FOXP2: variants seen among roughly 807,000 people sequenced by gnomAD.
FOXP2 encodes the protein forkhead box P2.
FOXP2 carries 12 observed loss-of-function variants against 115.8 expected under a neutral mutation model. That is an observed-to-expected ratio of 0.10 (90% CI 0.07 to 0.17). FOXP2 has a LOEUF of 0.17. Ranked by LOEUF, FOXP2 falls within the 10% of genes least tolerant of loss-of-function variation. The pLI is 1.00. For missense variants in FOXP2, 629 were observed against 843.5 expected (o/e 0.75, Z 3.15); for synonymous variants, 328 against 297.7 (o/e 1.10, Z -1.05).
intron 1 of FOXP2, among the ~76,000 whole-genome samples, chr7:114,178,776 C>T (rs944828834): frequency 2.0e-5 from 3 of 151,782 alleles, no homozygotes; most frequent in African/African-American, 7.3e-5. Flanking sequence ...TCTCTCAATG[C>T]CATTTTTCCA....
intron 3 of FOXP2, among the ~76,000 whole-genome samples, chr7:114,607,638 C>G (rs1803400556): frequency 6.6e-6 from 1 of 152,040 alleles, no homozygotes; most frequent in South Asian, 2.1e-4. Context: ...TATTCTCCCA[C>G]AATCCAAAGA....
intron 2 of FOXP2, among the ~76,000 whole-genome samples, chr7:114,289,741 T>C (rs1417740395): frequency 1.3e-5 from 2 of 151,986 alleles, no homozygotes; most frequent in African/African-American, 4.8e-5. Context: ...CTTTTGGTAG[T>C]TATGTGCTTA....
At chr7:114,323,735 GTACTTATAA>G (rs1797485433) in intron 2 of FOXP2, among the ~76,000 whole-genome samples, 1 of 151,826 alleles carries the variant, frequency 6.6e-6, no homozygotes, top group Non-Finnish European at 1.5e-5. Flanking sequence ...TACCATCAGA[GTACTTATAA>G]TTTTCCTCCC....
At chr7:114,102,433 C>G (rs1033085084) in intron 1 of FOXP2, among the ~76,000 whole-genome samples, 7 of 151,910 alleles carry the variant, frequency 4.6e-5, no homozygotes, top group African/African-American at 1.7e-4. Context: ...TGCACTTTCT[C>G]ACCGCCATTA....
At chr7:114,273,702 T>G (rs1413409413) in intron 1 of FOXP2, among the ~76,000 whole-genome samples, 2 of 152,132 alleles carry the variant, frequency 1.3e-5, no homozygotes, top group Admixed American at 6.5e-5. Context: ...TTTTTATCTC[T>G]GAAAACTTTC....
rs553007422 is a variant in FOXP2, at chr7:114,627,456, A to G, written c.259-1084A>G. 2.0e-5 allele frequency among the ~76,000 whole-genome samples: 3 copies of G among 152,240 alleles called. No individual in the cohort carries two copies. In the East Asian group the frequency reaches 5.8e-4, roughly 29 times the overall value. ...CAAGTTGTTTGATTGCATACTGGTT[A>G]GTACAAGTAATGCCTCAAACAGTGT... On this transcript the variant is annotated intron_variant, in intron 3 of 16. Coordinates refer to ENST00000350908, the MANE Select transcript of FOXP2 (RefSeq NM_014491.4).
rs77979311 is a variant in FOXP2 at position 114,531,718 on chromosome 7, G to A, written c.169-2899G>A. 2.0e-5 allele frequency among the ~76,000 whole-genome samples: 3 copies of A among 151,950 alleles called. No homozygotes were observed. The South Asian group carries it at 6.2e-4, about 32-fold the overall frequency. ...TAAAAGATGATCCTCAGCTATTTTG[G>A]AGATAATGCATATGAAAACCAAAAT... On this transcript the variant is annotated intron_variant, in intron 2 of 16. Coordinates refer to ENST00000350908, the MANE Select transcript of FOXP2 (RefSeq NM_014491.4).
chr7:114,477,119 A>T lies in FOXP2; in HGVS notation c.168+50440A>T, dbSNP rs1294621052. Among the ~76,000 whole-genome samples the T allele has an allele frequency of 4.6e-5, 7 of 152,080 alleles. No individual in the cohort carries two copies. The East Asian group carries it at 1.4e-3, about 29-fold the overall frequency. Reference sequence around the variant, plus strand: ...AGACTTCTCAAAGCTCTTAAAACAGAGCTACCATTCAACCCAGCAATACAA... The same window carrying T: ...AGACTTCTCAAAGCTCTTAAAACAGTGCTACCATTCAACCCAGCAATACAA... On this transcript the variant is annotated intron_variant, in intron 2 of 16. Coordinates refer to ENST00000350908, the MANE Select transcript of FOXP2 (RefSeq NM_014491.4).
At chr7:114,188,847 T>C (rs1001832298) in intron 1 of FOXP2, among the ~76,000 whole-genome samples, 1 of 152,142 alleles carries the variant, frequency 6.6e-6, no homozygotes, top group Non-Finnish European at 1.5e-5. Context: ...AATGAATGAA[T>C]TGGGGGGAAC....
intron 2 of FOXP2, among the ~76,000 whole-genome samples, chr7:114,354,427 A>G (rs934409005): frequency 2.0e-5 from 3 of 151,996 alleles, no homozygotes; most frequent in African/African-American, 7.3e-5. Context: ...TATCTGTCCT[A>G]TTGGTTTGGT....
Position 114,466,095 on chromosome 7 carries a change from C to A in FOXP2, c.168+39416C>A, listed in dbSNP as rs140942100. Among the ~76,000 whole-genome samples, 851 of 152,282 alleles carry A rather than the reference C, an allele frequency of 5.6e-3. 9 individuals carry two copies. The highest frequency in any genetic ancestry group is 0.02 in the African/African-American group (812 of 41,558). On this transcript the variant is annotated intron_variant, in intron 2 of 16. Transcript: ENST00000350908. ...GGAGCTTCTCTTCTTGTTCCTAGAT[C>A]TCAGCTTACTTTCTTTTTGAGTTCC...
intron 1 of FOXP2, among the ~76,000 whole-genome samples, chr7:114,143,525 AC>A (rs1792284399): frequency 6.6e-6 from 1 of 152,116 alleles, no homozygotes; most frequent in African/African-American, 2.4e-5. Context: ...CAATTTCAAT[AC>A]AGATTGTTAG....
At chr7:114,676,330 G>C (rs1347109829) in intron 16 of FOXP2, among the ~76,000 whole-genome samples, 1 of 152,022 alleles carries the variant, frequency 6.6e-6, no homozygotes, top group Non-Finnish European at 1.5e-5. Flanking sequence ...TAAAATAAAG[G>C]ATTTGAACAA....
At position 114,693,210 on chromosome 7, in the gene FOXP2, T is replaced by A; in HGVS notation, c.*3284T>A. 2.2e-6 allele frequency: 1 copy of A among 452,074 alleles called. No homozygotes were observed. The highest frequency in any genetic ancestry group is 4.4e-6 in the Non-Finnish European group (1 of 225,644). 28.0% of individuals were successfully genotyped at this position (452,074 alleles called of 1,614,324 possible). On this transcript the variant is annotated 3_prime_UTR_variant, in exon 17 of 17. Transcript: ENST00000350908. ...GGTAGAATTACCACTAACTGGGTTTTCTTTAGATAACTCAGATATGGAGAA... is the reference window on the plus strand; with the variant it reads ...GGTAGAATTACCACTAACTGGGTTTACTTTAGATAACTCAGATATGGAGAA...
At chr7:114,383,077 A>G (rs1792348125) in intron 2 of FOXP2, among the ~76,000 whole-genome samples, 1 of 152,158 alleles carries the variant, frequency 6.6e-6, no homozygotes, top group South Asian at 2.1e-4. Context: ...TGACTGAGAT[A>G]CCAGAGATCG....
chr7:114,101,342 G>A (rs1400618218), intron 1 of FOXP2, among the ~76,000 whole-genome samples: 3 of 152,090 alleles, frequency 2.0e-5, no homozygotes, highest in Non-Finnish European at 4.4e-5. Flanking sequence ...ATGAAAATTT[G>A]CCTCTCACCC....
chr7:114,368,257 G>T (rs1236766962), intron 2 of FOXP2, among the ~76,000 whole-genome samples: 2 of 151,960 alleles, frequency 1.3e-5, no homozygotes, highest in Admixed American at 6.6e-5. Flanking sequence ...ACAAAATTGG[G>T]TATTTCATAC....
At chr7:114,176,200 T>C (rs955788467) in intron 1 of FOXP2, among the ~76,000 whole-genome samples, 1 of 142,306 alleles carries the variant, frequency 7.0e-6, no homozygotes, top group African/African-American at 3.1e-5. Context: ...TCTTGTCTTG[T>C]CTTGTCTTGT....
At chr7:114,228,303 A>C (rs1794792209) in intron 1 of FOXP2, among the ~76,000 whole-genome samples, 1 of 151,992 alleles carries the variant, frequency 6.6e-6, no homozygotes, top group African/African-American at 2.4e-5. Context: ...TAAAGAACAG[A>C]AAAAGCTTTA....
Sources: allele counts gnomAD v4.1 joint callset (sites outside exome capture counted in the v4.1 genomes callset), GRCh38; gene constraint gnomAD v4.1.1; transcripts MANE v1.5; gene names NCBI Gene and HGNC (gene_info 2026-07-23, HGNC 2026-07-21).